The following ELMO1 variants were observed in gnomAD, a reference collection of about 807,000 sequenced individuals.
ELMO1 encodes engulfment and cell motility 1.
ELMO1 carries 26 observed loss-of-function variants against 98.9 expected under a neutral mutation model. The ratio of observed to expected loss-of-function variants is 0.26; its 90% CI spans 0.19 to 0.36. ELMO1 has a LOEUF of 0.36. Among genes scored for constraint, ELMO1 ranks in the 10% least tolerant of loss-of-function variants. The probability of loss-of-function intolerance (pLI) is 1.00; values close to 1 mark genes in which losing one functional copy is unlikely to be tolerated. For synonymous variants in ELMO1, 346 were observed against 346.0 expected, an observed-to-expected ratio of 1.00 and a Z score of 0.00; for missense variants, 627 against 935.2, an observed-to-expected ratio of 0.67 and a Z score of 4.30.
chr7:37,441,572 T>C lies in ELMO1; in HGVS notation c.-74+7103A>G, dbSNP rs555289386. Reference sequence around the variant, plus strand: ...AACTCATTCCCACACAGACATTTCCTTTGTCTTGTGACAAAGGCCTCTGAA... The same window carrying C: ...AACTCATTCCCACACAGACATTTCCCTTGTCTTGTGACAAAGGCCTCTGAA... On this transcript the variant is annotated intron_variant, in intron 1 of 21. Transcript: ENST00000310758. 3.3e-5 allele frequency among the ~76,000 whole-genome samples: 5 copies of C among 152,316 alleles called. No homozygotes were observed. In the East Asian group the frequency reaches 7.7e-4, roughly 24 times the overall value.
chr7:37,367,981 A>C (rs1299471725), intron 1 of ELMO1, among the ~76,000 whole-genome samples: 1 of 152,184 alleles, frequency 6.6e-6, no homozygotes, highest in Non-Finnish European at 1.5e-5. Flanking sequence ...GTCAATCATA[A>C]TTTTTTAAAG....
intron 1 of ELMO1, among the ~76,000 whole-genome samples, chr7:37,348,024 C>A (rs1168396158): frequency 6.6e-6 from 1 of 152,208 alleles, no homozygotes; most frequent in African/African-American, 2.4e-5. Context: ...CTCCCCACTA[C>A]ATCTGGAGTA....
chr7:37,124,176 T>C (rs1786315545), intron 14 of ELMO1, among the ~76,000 whole-genome samples: 1 of 151,754 alleles, frequency 6.6e-6, no homozygotes, highest in Non-Finnish European at 1.5e-5. Flanking sequence ...ACAGCCAATA[T>C]CATACTGAAT....
In ELMO1 at chr7:37,227,895, C is replaced by T. The variant is rs576506673; in HGVS notation, c.550-2865G>A. On this transcript the variant is annotated intron_variant, in intron 8 of 21. Coordinates refer to ENST00000310758, the MANE Select transcript of ELMO1 (RefSeq NM_014800.11). ...TTTCTCCTAAGAAATGAATCCCTTA[C>T]TTTCATGAAAGTATTCTTTAAAATT... Among the ~76,000 whole-genome samples the T allele has an allele frequency of 1.6e-3, 249 of 152,330 alleles. 2 individuals are homozygous for T. Among genetic ancestry groups the T allele is most frequent in the Non-Finnish European group, 2.7e-3 (184 of 68,030 alleles).
rs1337638898 is a variant in ELMO1, at chr7:37,276,172, A to G, written c.193-4290T>C. On this transcript the variant is annotated intron_variant, in intron 4 of 21. Coordinates refer to ENST00000310758, the MANE Select transcript of ELMO1 (RefSeq NM_014800.11). ...CCCATGGAAAATGAGGATACTGCCT[A>G]TTTCCTAGGTTGTTCTGAGGACCAA... Among the ~76,000 whole-genome samples the G allele has an allele frequency of 3.9e-5, 6 of 152,302 alleles. No homozygotes were observed. The East Asian group carries it at 9.6e-4, about 24-fold the overall frequency.
chr7:37,366,699 C>A (rs1882069), intron 1 of ELMO1, among the ~76,000 whole-genome samples: 14 of 152,214 alleles, frequency 9.2e-5, no homozygotes, highest in African/African-American at 2.4e-4. Flanking sequence ...TAATCTCCCC[C>A]CTGTAGCATC....
At chr7:37,401,154 A>T (rs1196367159) in intron 1 of ELMO1, among the ~76,000 whole-genome samples, 10 of 152,218 alleles carry the variant, frequency 6.6e-5, no homozygotes, top group Non-Finnish European at 1.3e-4. Flanking sequence ...CTGCCCTCTC[A>T]AATCCCATTC....
chr7:37,271,642 G>T, intron 5 of ELMO1, 190 bp downstream of exon 5: 1 of 592,070 alleles, frequency 1.7e-6, no homozygotes, highest in Non-Finnish European at 2.9e-6. Context: ...CTGGAATAAG[G>T]TCTTCCTCCT....
chr7:37,440,434 T>A, intron 1 of ELMO1, among the ~76,000 whole-genome samples: 1 of 132,016 alleles, frequency 7.6e-6, no homozygotes. Context: ...AGAGCAAGAC[T>A]CTAGCTCAAA....
At chr7:37,420,925 C>CA (rs1231524655) in intron 1 of ELMO1, among the ~76,000 whole-genome samples, 1 of 151,812 alleles carries the variant, frequency 6.6e-6, no homozygotes, top group African/African-American at 2.4e-5. Context: ...ACTTCCAACC[C>CA]AAGCAAGCAA....
chr7:37,414,447 A>G (rs1421189225), intron 1 of ELMO1, among the ~76,000 whole-genome samples: 1 of 152,198 alleles, frequency 6.6e-6, no homozygotes, highest in Non-Finnish European at 1.5e-5. Flanking sequence ...AATTAAGCAT[A>G]TCCAGGTCAC....
chr7:37,127,980 G>A (rs1786649018), intron 14 of ELMO1, among the ~76,000 whole-genome samples: 1 of 152,160 alleles, frequency 6.6e-6, no homozygotes, highest in Non-Finnish European at 1.5e-5. Context: ...ATCATCTGAG[G>A]TCAGGAGTTC....
At chr7:37,246,591 T>A (rs1019084687) in intron 6 of ELMO1, among the ~76,000 whole-genome samples, 2 of 152,196 alleles carry the variant, frequency 1.3e-5, no homozygotes, top group African/African-American at 4.8e-5. Context: ...AGAGAAATTT[T>A]TGTTGTAATG....
chr7:37,209,057 CAG>C (rs1036231583), intron 13 of ELMO1, among the ~76,000 whole-genome samples: 1 of 150,284 alleles, frequency 6.7e-6, no homozygotes, highest in Non-Finnish European at 1.5e-5. Flanking sequence ...GAACACTCCC[CAG>C]ACAGGGAAAA....
intron 14 of ELMO1, among the ~76,000 whole-genome samples, chr7:37,098,182 A>T (rs940700215): frequency 6.6e-6 from 1 of 152,074 alleles, no homozygotes; most frequent in Admixed American, 6.5e-5. Flanking sequence ...CTGTTTTGTC[A>T]CCTCCACAGA....
Position 37,078,373 on chromosome 7 carries a change from G to A in ELMO1, c.1300+18246C>T, listed in dbSNP as rs529393288. 6.6e-5 allele frequency among the ~76,000 whole-genome samples: 10 copies of A among 152,206 alleles called. No homozygotes were observed. The South Asian group carries it at 8.3e-4, about 13-fold the overall frequency. On this transcript the variant is annotated intron_variant, in intron 15 of 21. Transcript: ENST00000310758. ...ACCTATAAATCTCTATCATAAATAT[G>A]CATAAATCTACCATGCCTACATCTG... is the stretch of plus-strand genomic sequence containing the variant.
At chr7:37,386,358 G>A (rs770518420) in intron 1 of ELMO1, among the ~76,000 whole-genome samples, 4 of 151,804 alleles carry the variant, frequency 2.6e-5, no homozygotes, top group Non-Finnish European at 5.9e-5. Flanking sequence ...AGACCACAGA[G>A]AAAAGGGGGC....
chr7:36,946,787 C>G (rs1188947095), intron 16 of ELMO1, among the ~76,000 whole-genome samples: 10 of 152,186 alleles, frequency 6.6e-5, no homozygotes. Context: ...CTTCTCTTCT[C>G]ACTCCCCACC....
chr7:36,890,669 G>A (rs931847731), intron 17 of ELMO1, among the ~76,000 whole-genome samples: 11 of 151,954 alleles, frequency 7.2e-5, no homozygotes, highest in African/African-American at 2.7e-4. Flanking sequence ...ATCACCTCTT[G>A]CTTGGGTTAT....
Sources: gnomAD v4.1 joint callset for allele counts (sites outside exome capture counted in the v4.1 genomes callset) on GRCh38, gnomAD v4.1.1 for gene constraint, MANE v1.5 for transcripts, NCBI Gene and HGNC (gene_info 2026-07-23, HGNC 2026-07-21) for gene names.